Variants in KCNT1 observed in about 807,000 individuals in gnomAD.
KCNT1 encodes potassium channel subfamily T member 1.
In KCNT1, 78 loss-of-function variants were observed where a neutral mutation model predicts 147.8. That is an observed-to-expected ratio of 0.53 (90% CI 0.44 to 0.64). The LOEUF (loss-of-function observed/expected upper bound fraction) is 0.64. KCNT1 is among the 30% of genes least tolerant of loss of function. KCNT1 has a pLI of 0.00. For missense variants in KCNT1, 1,419 were observed against 1,750.3 expected, an observed-to-expected ratio of 0.81 and a Z score of 3.38; for synonymous variants, 867 against 748.8, an observed-to-expected ratio of 1.16 and a Z score of -2.58.
chr9:135,754,045 A>AGGGTG, intron 5 of KCNT1, 52 bp downstream of exon 5: 1 of 1,542,610 alleles, frequency 6.5e-7, no homozygotes, highest in Non-Finnish European at 9.0e-7. Context: ...GCCTGGGACC[A>AGGGTG]GGGTGGGGTG....
intron 13 of KCNT1, 106 bp from the exon 14 acceptor site, chr9:135,768,504 C>T (rs938120158): frequency 3.0e-5 from 23 of 773,582 alleles, no homozygotes; most frequent in Non-Finnish European, 4.9e-5. Context: ...GCACCTGCTG[C>T]ACCAGCCTCC....
chr9:135,719,282 G>A (rs1017113230), intron 2 of KCNT1, among the ~76,000 whole-genome samples: 11 of 152,230 alleles, frequency 7.2e-5, no homozygotes, highest in Admixed American at 1.3e-4. Context: ...AGGGCAGCTC[G>A]AGGAGCCAGC....
At chr9:135,703,823 C>A (rs945790625) in intron 1 of KCNT1, among the ~76,000 whole-genome samples, 1 of 152,230 alleles carries the variant, frequency 6.6e-6, no homozygotes, top group African/African-American at 2.4e-5. Context: ...CAGGCCTCAT[C>A]CTCCGGGTCC....
At chr9:135,769,023 G>C in intron 15 of KCNT1, 86 bp downstream of exon 15, 1 of 1,035,940 alleles carries the variant, frequency 9.7e-7, no homozygotes, top group Non-Finnish European at 1.4e-6. Context: ...GGGGCAGGGC[G>C]CATGTGCACA....
rs57320750 is a variant in KCNT1, at chr9:135,795,295, A to AAAT, written c.*3134_*3135insAAT. 0.13 allele frequency: 19,256 copies of AAAT among 151,294 alleles called. 1,462 individuals are homozygous for AAAT. The highest frequency in any genetic ancestry group is 0.19 in the South Asian group (894 of 4,778). 9.4% of individuals were successfully genotyped at this position (151,294 alleles called of 1,614,324 possible). The stretch of plus-strand genomic sequence containing the variant: ...TGTATCAAAAAGTACAAAAAAAAAA[A>AAAT]TAGCTAGACGTGGTGGCATGTGCAT... On this transcript the variant is annotated 3_prime_UTR_variant, in exon 31 of 31. Transcript: ENST00000371757.
chr9:135,727,051 CCCT>C (rs1205235668), intron 2 of KCNT1, among the ~76,000 whole-genome samples: 1 of 47,210 alleles, frequency 2.1e-5, no homozygotes, highest in East Asian at 6.8e-4. Context: ...CTCTCTCTCT[CCCT>C]CTCTCCCTCT....
intron 2 of KCNT1, among the ~76,000 whole-genome samples, chr9:135,740,627 G>T (rs895662111): frequency 6.6e-6 from 1 of 152,270 alleles, no homozygotes; most frequent in Middle Eastern, 3.2e-3. Flanking sequence ...ACTGACCACT[G>T]CTGCCCTAAG....
chr9:135,777,894 G>A (rs1833289538), intron 21 of KCNT1, among the ~76,000 whole-genome samples: 1 of 141,526 alleles, frequency 7.1e-6, no homozygotes, highest in Admixed American at 7.0e-5. Context: ...CCCACTCCCA[G>A]TTCCCCCTCA....
chr9:135,779,776 C>T (rs1425462152), intron 24 of KCNT1, among the ~76,000 whole-genome samples: 2 of 152,250 alleles, frequency 1.3e-5, no homozygotes, highest in Non-Finnish European at 2.9e-5. Flanking sequence ...GGCCATCTGT[C>T]CTGGCATGGT....
intron 2 of KCNT1, among the ~76,000 whole-genome samples, chr9:135,725,798 G>A (rs904317199): frequency 2.6e-5 from 4 of 152,234 alleles, no homozygotes; most frequent in Non-Finnish European, 5.9e-5. Context: ...GCACAGCCCC[G>A]TCCTTTTGCT....
rs149397466 is a variant in KCNT1, at chr9:135,776,183, C to T, written c.2349+768C>T. Among the ~76,000 whole-genome samples the T allele has an allele frequency of 5.8e-3, 885 of 152,088 alleles. 9 individuals carry two copies. The highest frequency in any genetic ancestry group is 0.019 in the African/African-American group (807 of 41,468). ...GAGTTAGCAGCTTCTCTGTGGGGGA[C>T]GTGTTGAGATCAGGAAAGCAAACCA... On this transcript the variant is annotated intron_variant, in intron 20 of 30. Coordinates refer to ENST00000371757, the MANE Select transcript of KCNT1 (RefSeq NM_020822.3).
chr9:135,745,107 G>A (rs866941751), intron 2 of KCNT1, among the ~76,000 whole-genome samples: 1 of 152,240 alleles, frequency 6.6e-6, no homozygotes, highest in African/African-American at 2.4e-5. Flanking sequence ...GTTCCCAGAC[G>A]GATGCCGCCA....
At position 135,711,307 on chromosome 9, in the gene KCNT1, GGAGT is replaced by G. The variant is rs1341243944; in HGVS notation, c.111-3266_111-3263del. ...ATGGCCACCGGGAACAGATGCAGGG[GGAGT>G]GAGAAGCAGGCACTCCTGGCTATCA... On this transcript the variant is annotated intron_variant, in intron 1 of 30. Transcript: ENST00000371757. Among the ~76,000 whole-genome samples the G allele has an allele frequency of 3.3e-5, 5 of 152,208 alleles. No homozygotes were observed. In the East Asian group the frequency reaches 9.6e-4, roughly 29 times the overall value.
rs577872126 is a variant in KCNT1 at position 135,770,384 on chromosome 9, G to A, written c.1706G>A (p.Ser569Asn). 1 of 1,613,302 alleles carries A rather than the reference G, an allele frequency of 6.2e-7. No individual in the cohort carries two copies. Among genetic ancestry groups the A allele is most frequent in the Non-Finnish European group, 8.5e-7 (1 of 1,179,810 alleles). The stretch of plus-strand genomic sequence containing the variant: ...GTGTACCACATCCGCATGGGTGACA[G>A]CAAGTTCTTCCGCGAGTACGAGGGC... ...NEVYHIRMGD[S>N]KFFREYEGKS... Residue 569 changes from serine (S) to asparagine (N), a missense_variant, in exon 17 of 31, where the codon AGC (serine) becomes AAC (asparagine). Ser to Asn is a conservative substitution (Grantham distance 46). Transcript: ENST00000371757.
At chr9:135,773,049 A>C in intron 19 of KCNT1, 100 bp downstream of exon 19, 2 of 813,732 alleles carry the variant, frequency 2.5e-6, no homozygotes, top group Non-Finnish European at 1.8e-6. Context: ...CCATGCTCTG[A>C]ATTGCAGCTT....
intron 2 of KCNT1, among the ~76,000 whole-genome samples, chr9:135,715,268 A>C (rs1446799764): frequency 1.3e-5 from 2 of 152,214 alleles, no homozygotes; most frequent in African/African-American, 4.8e-5. Context: ...TCAGTTAAGG[A>C]CCAACAGGAT....
In KCNT1 at chr9:135,770,920, G is replaced by GCCCCGGCA. The variant is rs1218530633; in HGVS notation, c.1835_1842dup (p.Ile615ProfsTer117). On this transcript the variant is annotated frameshift_variant, in exon 18 of 31. Coordinates refer to ENST00000371757, the MANE Select transcript of KCNT1 (RefSeq NM_020822.3). LOFTEE classifies it high-confidence loss of function. ...ACAAGAGCATCCTGCTGAACCCGGG[G>GCCCCGGCA]CCCCGGCACATCCTGGCCGCCTCTG... 1.2e-6 allele frequency: 2 copies of GCCCCGGCA among 1,611,320 alleles called. No homozygotes were observed. The highest frequency in any genetic ancestry group is 1.7e-6 in the Non-Finnish European group (2 of 1,178,818).
At chr9:135,748,283 C>G (rs902979582) in intron 2 of KCNT1, among the ~76,000 whole-genome samples, 2 of 152,234 alleles carry the variant, frequency 1.3e-5, no homozygotes, top group East Asian at 1.9e-4. Context: ...TGGGGCAGAT[C>G]AAGGCAGGTG....
chr9:135,736,907 T>C (rs903917244), intron 2 of KCNT1: 86 of 287,768 alleles, frequency 3.0e-4, no homozygotes, highest in South Asian at 1.7e-4. Flanking sequence ...GGCCAGGGTC[T>C]CCCCTCCTAA....
Sources: gnomAD v4.1 joint callset for allele counts (sites outside exome capture counted in the v4.1 genomes callset) on GRCh38, gnomAD v4.1.1 for gene constraint, MANE v1.5 for transcripts, NCBI Gene and HGNC (gene_info 2026-07-23, HGNC 2026-07-21) for gene names.